Variants in BACE1 observed in about 807,000 individuals in gnomAD.
BACE1 encodes beta-secretase 1.
A neutral mutation model predicts 54.0 loss-of-function variants in BACE1; 21 were observed. That is an observed-to-expected ratio of 0.39 (90% CI 0.28 to 0.56). The LOEUF is 0.56. BACE1 is among the 20% of genes least tolerant of loss of function. BACE1 has a pLI of 0.63. For missense variants in BACE1, 511 were observed against 661.2 expected, an observed-to-expected ratio of 0.77 and a Z score of 2.49; for synonymous variants, 232 against 260.9, an observed-to-expected ratio of 0.89 and a Z score of 1.07.
At position 117,293,038 on chromosome 11, in the gene BACE1, C is replaced by G. The variant is rs763090327; in HGVS notation, c.840+16G>C. On this transcript the variant is annotated intron_variant, in intron 5 of 8. Transcript: ENST00000313005. This position sits in a 1 kb window ranked among gnomAD's most constrained non-coding sequence, Gnocchi z 4.1. ...CTACCCCCTTATGTTCCCAGGCTCT[C>G]CCTTGGTTTTCTTACCTCCTTGCAG... is the stretch of plus-strand genomic sequence containing the variant. 1 of 1,613,344 alleles carries G rather than the reference C, an allele frequency of 6.2e-7. No individual in the cohort carries two copies. Among genetic ancestry groups the G allele is most frequent in the African/African-American group, 1.3e-5 (1 of 75,008 alleles).
chr11:117,306,518 AGT>A (rs2034835825), intron 1 of BACE1, among the ~76,000 whole-genome samples: 1 of 152,000 alleles, frequency 6.6e-6, no homozygotes, highest in African/African-American at 2.4e-5. Context: ...GAAAAGAGTA[AGT>A]GGTAGGGCCA....
chr11:117,305,861 C>G (rs907180860), intron 1 of BACE1, among the ~76,000 whole-genome samples: 1 of 151,960 alleles, frequency 6.6e-6, no homozygotes, highest in Non-Finnish European at 1.5e-5. Flanking sequence ...CGGTGAAACC[C>G]CGTCTCCACT....
Position 117,293,493 on chromosome 11 carries a change from ATAAGTTT to A in BACE1, c.706-312_706-306del, listed in dbSNP as rs1341227757. 7.0e-6 allele frequency: 2 copies of A among 286,780 alleles called. No individual in the cohort carries two copies. Among genetic ancestry groups the A allele is most frequent in the African/African-American group, 4.4e-5 (2 of 45,546 alleles). The allele number at this position is 286,780 out of a possible 1,614,324, so 17.8% of individuals were successfully genotyped here. ...GAATGAATGGTTATTTGTTTATATT[ATAAGTTT>A]TATTTTCTCTGCTTATTGGAGAACC... On this transcript the variant is annotated intron_variant, in intron 4 of 8. Coordinates refer to ENST00000313005, the MANE Select transcript of BACE1 (RefSeq NM_012104.6). The surrounding 1 kb of genome is among the most constrained non-coding windows in gnomAD (Gnocchi z 4.1).
At chr11:117,314,167 G>T (rs971643548) in intron 1 of BACE1, among the ~76,000 whole-genome samples, 1 of 152,204 alleles carries the variant, frequency 6.6e-6, no homozygotes, top group Non-Finnish European at 1.5e-5. Context: ...TAGGTCCCAG[G>T]TCTCTGCATA....
intron 1 of BACE1, among the ~76,000 whole-genome samples, chr11:117,304,810 T>C (rs1293937847): frequency 6.6e-6 from 1 of 152,196 alleles, no homozygotes; most frequent in Non-Finnish European, 1.5e-5. Flanking sequence ...CCACAGACTA[T>C]GAGCTCCACC....
At chr11:117,305,364 C>T (rs543927769) in intron 1 of BACE1, among the ~76,000 whole-genome samples, 75 of 152,144 alleles carry the variant, frequency 4.9e-4, no homozygotes, top group Non-Finnish European at 8.5e-4. Context: ...CAGAGTCCAG[C>T]GACTGGGTCC....
At chr11:117,292,841 C>T in intron 5 of BACE1, 1 of 534,612 alleles carries the variant, frequency 1.9e-6, no homozygotes. Flanking sequence ...AGAACTAGTT[C>T]CATGTTTTTT....
At chr11:117,295,642 C>T in intron 2 of BACE1, 2 of 1,524,970 alleles carry the variant, frequency 1.3e-6, no homozygotes, top group Non-Finnish European at 8.8e-7. Context: ...ATTGTGCCTG[C>T]TGCTGCTGCT....
chr11:117,309,539 C>T (rs1388621123), intron 1 of BACE1, among the ~76,000 whole-genome samples: 3 of 152,150 alleles, frequency 2.0e-5, no homozygotes, highest in Non-Finnish European at 4.4e-5. Context: ...GATCCCTGGG[C>T]GAGACTCCCT....
At chr11:117,289,909 G>T in intron 8 of BACE1, 102 bp from the exon 9 acceptor site, 1 of 1,035,470 alleles carries the variant, frequency 9.7e-7, no homozygotes, top group Non-Finnish European at 1.4e-6. Flanking sequence ...CCATGCAGAA[G>T]TTATCTAATC....
intron 3 of BACE1, chr11:117,294,256 GCC>G: frequency 3.6e-6 from 1 of 274,410 alleles, no homozygotes; most frequent in Non-Finnish European, 6.8e-6. Context: ...TGCTCTTGTT[GCC>G]CAAGCTGGAG....
intron 1 of BACE1, among the ~76,000 whole-genome samples, chr11:117,308,586 G>A (rs663166): frequency 0.028 from 4,230 of 152,242 alleles, 107 homozygotes; most frequent in Non-Finnish European, 0.042. Flanking sequence ...CCTTATCCCT[G>A]AAATAGATAT....
At chr11:117,299,561 C>T (rs927470747) in intron 1 of BACE1, 13 of 314,686 alleles carry the variant, frequency 4.1e-5, no homozygotes, top group South Asian at 1.2e-4. Flanking sequence ...GACAATCTCC[C>T]GGCCCTCAGA....
At chr11:117,291,659 G>A (rs540255037) in intron 6 of BACE1, 53 bp downstream of exon 6, 78 of 1,309,022 alleles carry the variant, frequency 6.0e-5, no homozygotes, top group Middle Eastern at 1.8e-4. Context: ...GACTCTCACC[G>A]CCTCCCTCTG....
chr11:117,300,089 C>G (rs2034689471), intron 1 of BACE1, among the ~76,000 whole-genome samples: 2 of 152,044 alleles, frequency 1.3e-5, no homozygotes, highest in Admixed American at 1.3e-4. Context: ...GTACTCCCAC[C>G]CCAGCCCTGA....
In BACE1 at chr11:117,315,625, C is replaced by T. The variant is rs373108844; in HGVS notation, c.171G>A (p.Arg57=). ...TGTCCACCATCTCCACAAAGCTGCC[C>T]CTCCGGCCGGGCTCCTCGGGCTCTT... ...TDEEPEEPGR[R]GSFVEMVDNL... is the part of the protein sequence containing the mutation. Residue 57 remains arginine, a synonymous_variant, in exon 1 of 9, where the codon AGG becomes AGA. Transcript: ENST00000313005. This position sits in a 1 kb window ranked among gnomAD's most constrained non-coding sequence, Gnocchi z 5.5. 9 of 1,586,102 alleles carry T rather than the reference C, an allele frequency of 5.7e-6. No homozygotes were observed. In the African/African-American group the frequency reaches 9.8e-5, roughly 17 times the overall value.
intron 1 of BACE1, among the ~76,000 whole-genome samples, chr11:117,299,340 G>A (rs1247330417): frequency 6.6e-6 from 1 of 152,150 alleles, no homozygotes. Flanking sequence ...TCAGTCCAGT[G>A]AAATCAACTG....
chr11:117,291,740 G>A lies in BACE1; in HGVS notation c.914C>T (p.Ala305Val). The A allele has an allele frequency of 6.2e-7, 1 of 1,613,322 alleles. No homozygotes were observed. The highest frequency in any genetic ancestry group is 8.5e-7 in the Non-Finnish European group (1 of 1,179,412). Residue 305 changes from alanine (A) to valine (V), a missense_variant, in exon 6 of 9, where the codon GCA becomes GTA. By Grantham distance (64) the Ala-to-Val change is moderately conservative (BLOSUM62 0). This residue lies in a region of BACE1 where 407 missense variants were observed against 565.7 expected (regional missense o/e 0.72). Coordinates refer to ENST00000313005, the MANE Select transcript of BACE1 (RefSeq NM_012104.6). ...LRLPKKVFEA[A>V]VKSIKAASST... The stretch of plus-strand genomic sequence containing the variant: ...GGAGGCTGCCTTGATGGATTTGACT[G>A]CAGCTTCAAACACTTTCTTGGGCAA...
chr11:117,291,723 C>T lies in BACE1; in HGVS notation c.931G>A (p.Ala311Thr). 1 of 1,612,708 alleles carries T rather than the reference C, an allele frequency of 6.2e-7. No homozygotes were observed. Among genetic ancestry groups the T allele is most frequent in the Non-Finnish European group, 8.5e-7 (1 of 1,178,838 alleles). Residue 311 changes from alanine to threonine, a missense_variant, in exon 6 of 9, where the codon GCA becomes ACA. Transcript: ENST00000313005. ...VFEAAVKSIK[A>T]ASSTEKFPDG... Reference sequence around the variant, plus strand: ...CTTAGTCCACTCACGGAGGAGGCTGCCTTGATGGATTTGACTGCAGCTTCA... The same window carrying T: ...CTTAGTCCACTCACGGAGGAGGCTGTCTTGATGGATTTGACTGCAGCTTCA...
Sources: gnomAD v4.1 joint callset for allele counts (sites outside exome capture counted in the v4.1 genomes callset) on GRCh38, gnomAD v4.1.1 for gene constraint, gnomAD v4.1.1 regional missense constraint, Gnocchi (gnomAD v3.1) non-coding constraint, MANE v1.5 for transcripts, NCBI Gene and HGNC (gene_info 2026-07-23, HGNC 2026-07-21) for gene names.